RASSF3: variants seen among roughly 807,000 people sequenced by gnomAD.
The protein encoded by RASSF3 is Ras association domain family member 3.
A neutral mutation model predicts 19.9 loss-of-function variants in RASSF3; 19 were observed. The observed-to-expected ratio is 0.96, with a 90% CI of 0.67 to 1.40. The LOEUF is 1.40. Among genes scored for constraint, RASSF3 ranks in the 40% most tolerant of loss-of-function variants. RASSF3 has a pLI of 0.00. For missense variants in RASSF3, 306 were observed against 289.8 expected, an observed-to-expected ratio of 1.06 and a Z score of -0.41; for synonymous variants, 110 against 104.2, an observed-to-expected ratio of 1.06 and a Z score of -0.34.
Position 64,685,459 on chromosome 12 carries a change from C to T in RASSF3, c.219+565C>T, listed in dbSNP as rs956352658. Among the ~76,000 whole-genome samples the T allele has an allele frequency of 4.6e-5, 7 of 152,074 alleles. No individual in the cohort carries two copies. In the East Asian group the frequency reaches 1.2e-3, roughly 25 times the overall value. On this transcript the variant is annotated intron_variant, in intron 2 of 4. Transcript: ENST00000542104. Reference sequence around the variant, plus strand: ...GGGGTTTTGCCATATCACCCAGGCTCATCTCAAATTCCTTGGCTCAAGGGA... The same window carrying T: ...GGGGTTTTGCCATATCACCCAGGCTTATCTCAAATTCCTTGGCTCAAGGGA...
intron 2 of RASSF3, among the ~76,000 whole-genome samples, chr12:64,553,510 G>A (rs1384776977): frequency 1.3e-5 from 2 of 152,120 alleles, no homozygotes; most frequent in East Asian, 3.8e-4. Context: ...GCCATTTGGG[G>A]TCAAAAAACA....
chr12:64,520,557 T>C (rs11175428), intron 1 of RASSF3, among the ~76,000 whole-genome samples: 527 of 14,804 alleles, frequency 0.036, 2 homozygotes, highest in East Asian at 0.14. Context: ...CATACACACA[T>C]ATATATATAT....
chr12:64,636,889 G>C (rs1045623303), intron 1 of RASSF3, among the ~76,000 whole-genome samples: 2 of 147,394 alleles, frequency 1.4e-5, no homozygotes, highest in Non-Finnish European at 3.0e-5. Context: ...AAAAAAGTAA[G>C]TTACACACAC....
intron 2 of RASSF3, among the ~76,000 whole-genome samples, chr12:64,582,604 G>A (rs921316083): frequency 6.6e-6 from 1 of 152,248 alleles, no homozygotes; most frequent in African/African-American, 2.4e-5. Context: ...GGACTTTGAG[G>A]GGTAGGTGAG....
intron 1 of RASSF3, among the ~76,000 whole-genome samples, chr12:64,661,883 G>A (rs981611679): frequency 1.3e-5 from 2 of 151,154 alleles, no homozygotes; most frequent in African/African-American, 4.9e-5. Flanking sequence ...GCTTCACCCT[G>A]TTGGCCAGGC....
intron 1 of RASSF3, among the ~76,000 whole-genome samples, chr12:64,617,094 T>C (rs960557065): frequency 2.0e-5 from 3 of 152,224 alleles, no homozygotes; most frequent in Admixed American, 2.0e-4. Context: ...TGGATGGATG[T>C]CCCAGTATTT....
chr12:64,548,085 A>G (rs1183421961), intron 2 of RASSF3, among the ~76,000 whole-genome samples: 2 of 152,288 alleles, frequency 1.3e-5, no homozygotes, highest in South Asian at 4.1e-4. Flanking sequence ...GCCGCTCTAT[A>G]TTCTCTGAAA....
intron 1 of RASSF3, among the ~76,000 whole-genome samples, chr12:64,620,123 T>C (rs1870700000): frequency 6.6e-6 from 1 of 151,788 alleles, no homozygotes; most frequent in Non-Finnish European, 1.5e-5. Flanking sequence ...ACGAAACAGA[T>C]TGAAACCTGC....
chr12:64,546,028 G>A (rs1008205921), downstream of RASSF3, among the ~76,000 whole-genome samples: 6 of 143,224 alleles, frequency 4.2e-5, no homozygotes, highest in Non-Finnish European at 9.0e-5. Flanking sequence ...CCAGGGAGGC[G>A]AAGCTTGCAG....
At chr12:64,596,978 G>A (rs1021703683) in intron 2 of RASSF3, among the ~76,000 whole-genome samples, 1 of 151,860 alleles carries the variant, frequency 6.6e-6, no homozygotes, top group African/African-American at 2.4e-5. Flanking sequence ...ATCCACCCAG[G>A]CTGATCTCGA....
chr12:64,532,742 A>G (rs1868740816), upstream of RASSF3, among the ~76,000 whole-genome samples: 1 of 151,830 alleles, frequency 6.6e-6, no homozygotes, highest in Non-Finnish European at 1.5e-5. Context: ...AGGCTGAGGT[A>G]GGAGGAGTGC....
At chr12:64,584,548 T>C (rs903166982) in intron 2 of RASSF3, among the ~76,000 whole-genome samples, 6 of 151,910 alleles carry the variant, frequency 3.9e-5, no homozygotes, top group Non-Finnish European at 5.9e-5. Context: ...GTGCTCTATT[T>C]CTGAACTACT....
intron 2 of RASSF3, among the ~76,000 whole-genome samples, chr12:64,570,082 G>A (rs1355254565): frequency 1.3e-5 from 2 of 152,216 alleles, no homozygotes; most frequent in African/African-American, 4.8e-5. Flanking sequence ...GTGAACAACT[G>A]TGGCTCACTC....
At chr12:64,652,634 A>C (rs1033763400) in intron 1 of RASSF3, among the ~76,000 whole-genome samples, 3 of 152,168 alleles carry the variant, frequency 2.0e-5, no homozygotes, top group Non-Finnish European at 2.9e-5. Context: ...CCAGAGATGA[A>C]TGAGGATTCT....
At chr12:64,634,740 G>T (rs1013683000) in intron 1 of RASSF3, among the ~76,000 whole-genome samples, 1 of 124,406 alleles carries the variant, frequency 8.0e-6, no homozygotes, top group Non-Finnish European at 1.6e-5. Flanking sequence ...CAGCCTGCAC[G>T]ACACAGCGAG....
chr12:64,695,016 G>A lies in RASSF3; in HGVS notation c.*104G>A. ...TGCTGTCTTGCCCCACTATGCTAGG[G>A]TCTTCGCCTTTCTATCTGTAGATTT... On this transcript the variant is annotated 3_prime_UTR_variant, in exon 5 of 5. Coordinates refer to ENST00000542104, the MANE Select transcript of RASSF3 (RefSeq NM_178169.4). 8.0e-7 allele frequency: 1 copy of A among 1,251,300 alleles called. No individual in the cohort carries two copies. The allele number at this position is 1,251,300 out of a possible 1,614,324, so 77.5% of individuals were successfully genotyped here. A position where few individuals can be genotyped will look rare whatever the true frequency, so the allele number is the denominator to read the frequency against.
chr12:64,544,110 G>A (rs1008854980), downstream of RASSF3, among the ~76,000 whole-genome samples: 1 of 152,122 alleles, frequency 6.6e-6, no homozygotes, highest in African/African-American at 2.4e-5. Context: ...TTCTTTAGGT[G>A]TTTGCAATAA....
intron 1 of RASSF3, among the ~76,000 whole-genome samples, chr12:64,615,142 C>G (rs1870508166): frequency 6.6e-6 from 1 of 152,156 alleles, no homozygotes. Flanking sequence ...AAAATGTGGA[C>G]AGTTGTGTAA....
At chr12:64,515,519 T>C (rs966489469) in intron 1 of RASSF3, 3 of 152,192 alleles carry the variant, frequency 2.0e-5, no homozygotes, top group African/African-American at 7.2e-5. Flanking sequence ...CTTTCTTGAG[T>C]TGGATCATTT....
Sources: gnomAD v4.1 joint callset for allele counts (sites outside exome capture counted in the v4.1 genomes callset) on GRCh38, gnomAD v4.1.1 for gene constraint, MANE v1.5 for transcripts, NCBI Gene and HGNC (gene_info 2026-07-23, HGNC 2026-07-21) for gene names.